The following NPHP4 variants were observed in gnomAD, a reference collection of about 807,000 sequenced individuals.
NPHP4 encodes the protein nephrocystin-4.
Under a neutral mutation model 155.8 loss-of-function variants are expected in NPHP4, and 151 were observed. The observed-to-expected ratio is 0.97, with a 90% CI of 0.85 to 1.11. The LOEUF is 1.11. Among genes scored for constraint, NPHP4 ranks in the 50% least tolerant of loss-of-function variants. NPHP4 has a pLI of 0.00. For missense variants in NPHP4, 1,956 were observed against 1,925.7 expected, an observed-to-expected ratio of 1.02 and a Z score of -0.29; for synonymous variants, 845 against 816.8, an observed-to-expected ratio of 1.03 and a Z score of -0.59.
At chr1:5,918,898 G>T (rs1645600022) in intron 11 of NPHP4, among the ~76,000 whole-genome samples, 1 of 152,180 alleles carries the variant, frequency 6.6e-6, no homozygotes, top group Non-Finnish European at 1.5e-5. Context: ...AGACCTTCAA[G>T]AAACAGGTCT....
intron 16 of NPHP4, among the ~76,000 whole-genome samples, chr1:5,900,469 A>G (rs187951724): frequency 5.3e-5 from 8 of 152,294 alleles, no homozygotes; most frequent in African/African-American, 1.9e-4. Context: ...AAAGCTACAT[A>G]CTACATAATT....
chr1:5,971,490 C>T (rs965930371), intron 3 of NPHP4, among the ~76,000 whole-genome samples: 7 of 152,172 alleles, frequency 4.6e-5, no homozygotes, highest in Admixed American at 3.9e-4. Flanking sequence ...GAATTTATAA[C>T]GAACCTGGAA....
intron 25 of NPHP4, among the ~76,000 whole-genome samples, chr1:5,866,731 C>T (rs1641271281): frequency 1.3e-5 from 2 of 152,168 alleles, no homozygotes; most frequent in African/African-American, 4.8e-5. Flanking sequence ...TTGCCTTATC[C>T]TTTACATAAT....
rs779934753 is a variant in NPHP4, at chr1:5,890,843, G to C, written c.2304+25C>G. Reference sequence around the variant, plus strand: ...CCATGAGGGACGCAGCACCCACTGTGCCTGTCCTTCCAGAGAGCCGCTACC... The same window carrying C: ...CCATGAGGGACGCAGCACCCACTGTCCCTGTCCTTCCAGAGAGCCGCTACC... On this transcript the variant is annotated intron_variant, in intron 17 of 29. Transcript: ENST00000378156. The surrounding 1 kb of genome is among the most constrained non-coding windows in gnomAD (Gnocchi z 4.9). 2 of 1,600,162 alleles carry C rather than the reference G, an allele frequency of 1.2e-6. No individual in the cohort carries two copies. The highest frequency in any genetic ancestry group is 8.5e-7 in the Non-Finnish European group (1 of 1,171,108).
At chr1:5,951,421 T>A (rs1648020754) in intron 7 of NPHP4, among the ~76,000 whole-genome samples, 2 of 152,214 alleles carry the variant, frequency 1.3e-5, no homozygotes, top group South Asian at 4.1e-4. Flanking sequence ...ACTCTCTCAT[T>A]CTAGGAGGGG....
At chr1:5,965,530 G>A (rs1053947512) in intron 5 of NPHP4, among the ~76,000 whole-genome samples, 11 of 152,294 alleles carry the variant, frequency 7.2e-5, no homozygotes, top group African/African-American at 2.6e-4. Flanking sequence ...ACGAAATGAA[G>A]TTCCTGACTG....
In NPHP4 at chr1:5,976,411, G is replaced by A. The variant is rs1315355660; in HGVS notation, c.279+1859C>T. Reference sequence around the variant, plus strand: ...CATGGCTGTCACAACACCAGGTTTCGGGGGGCTCACTGTGCACATCTGAGA... The same window carrying A: ...CATGGCTGTCACAACACCAGGTTTCAGGGGGCTCACTGTGCACATCTGAGA... On this transcript the variant is annotated intron_variant, in intron 3 of 29. Transcript: ENST00000378156. Among the ~76,000 whole-genome samples, 3 of 152,128 alleles carry A rather than the reference G, an allele frequency of 2.0e-5. No individual in the cohort carries two copies. The South Asian group carries it at 6.2e-4, about 32-fold the overall frequency.
chr1:5,896,065 T>C (rs1644382839), intron 16 of NPHP4, among the ~76,000 whole-genome samples: 2 of 152,200 alleles, frequency 1.3e-5, no homozygotes, highest in Non-Finnish European at 2.9e-5. Flanking sequence ...TACCACTGAA[T>C]TAGAAAACAG....
chr1:5,866,709 A>G (rs1271113667), intron 25 of NPHP4, among the ~76,000 whole-genome samples: 2 of 152,230 alleles, frequency 1.3e-5, no homozygotes, highest in African/African-American at 4.8e-5. Flanking sequence ...CTAACTGGTC[A>G]TAACACAATT....
At chr1:5,945,732 T>G (rs1194638655) in intron 9 of NPHP4, among the ~76,000 whole-genome samples, 1 of 152,192 alleles carries the variant, frequency 6.6e-6, no homozygotes, top group East Asian at 1.9e-4. Context: ...TCAACCGTTT[T>G]TTGGTTTCTG....
chr1:5,937,655 G>A (rs987591802), intron 9 of NPHP4, among the ~76,000 whole-genome samples: 4 of 152,088 alleles, frequency 2.6e-5, no homozygotes, highest in Non-Finnish European at 5.9e-5. Flanking sequence ...GCGCACTCAC[G>A]CTCCACTGTC....
rs772753387 is a variant in NPHP4 at position 5,875,005 on chromosome 1, C to G, written c.2913G>C (p.Leu971=). The change falls in exon 21 of 30, where the codon CTG becomes CTC. Residue 971 remains leucine, a synonymous_variant. Coordinates refer to ENST00000378156, the MANE Select transcript of NPHP4 (RefSeq NM_015102.5). ...TGTGCTCCGTGGTGATGGCCAGGCT[C>G]AGCAGGCTGGCGATGCTCTCGGCCT... is the stretch of plus-strand genomic sequence containing the variant. ...RTKAESIASL[L]SLAITTEHTL... The G allele has an allele frequency of 1.2e-6, 2 of 1,611,928 alleles. No individual in the cohort carries two copies. The highest frequency in any genetic ancestry group is 2.7e-5 in the African/African-American group (2 of 74,942).
intron 11 of NPHP4, among the ~76,000 whole-genome samples, chr1:5,912,565 A>T (rs573868368): frequency 1.3e-5 from 2 of 152,020 alleles, no homozygotes; most frequent in Non-Finnish European, 2.9e-5. Context: ...AGAAAAAAGA[A>T]AAAAGAAAAA....
intron 6 of NPHP4, among the ~76,000 whole-genome samples, chr1:5,955,662 G>A (rs1649048678): frequency 6.6e-6 from 1 of 152,262 alleles, no homozygotes; most frequent in Non-Finnish European, 1.5e-5. Flanking sequence ...AATACCACAT[G>A]ATCTTACTCA....
chr1:5,904,880 A>G, intron 15 of NPHP4, 76 bp from the exon 16 acceptor site: 1 of 1,436,518 alleles, frequency 7.0e-7, no homozygotes, highest in Non-Finnish European at 9.8e-7. Flanking sequence ...GTGTTTGCAT[A>G]GGGGATGGTC....
chr1:5,868,929 T>C (rs1254398283), intron 23 of NPHP4, among the ~76,000 whole-genome samples: 2 of 112,694 alleles, frequency 1.8e-5, no homozygotes, highest in African/African-American at 7.1e-5. Context: ...TGTACACACA[T>C]GCATGCACCC....
At chr1:5,883,376 C>T (rs895409671) in intron 18 of NPHP4, among the ~76,000 whole-genome samples, 9 of 152,204 alleles carry the variant, frequency 5.9e-5, no homozygotes, top group Non-Finnish European at 1.0e-4. Context: ...GTTCACGCTC[C>T]GGGCCACGCT....
chr1:5,979,810 G>A (rs1193670383), intron 2 of NPHP4, among the ~76,000 whole-genome samples: 5 of 152,064 alleles, frequency 3.3e-5, no homozygotes, highest in Non-Finnish European at 5.9e-5. Flanking sequence ...CACCATGCCC[G>A]GCCTGTATTT....
At position 5,986,372 on chromosome 1, in the gene NPHP4, C is replaced by A; in HGVS notation, c.-38-45G>T. ...ATAAAGAGAAGAGCTGTGAGGGCTACAGTGGTCACAGCAATCCTGAAGGCT... is the reference window on the plus strand; with the variant it reads ...ATAAAGAGAAGAGCTGTGAGGGCTAAAGTGGTCACAGCAATCCTGAAGGCT... On this transcript the variant is annotated intron_variant, in intron 1 of 29. Transcript: ENST00000378156. 4.7e-6 allele frequency: 7 copies of A among 1,494,620 alleles called. No individual in the cohort carries two copies. The Admixed American group carries it at 1.2e-4, about 25-fold the overall frequency. The allele number at this position is 1,494,620 out of a possible 1,614,324, so 92.6% of individuals were successfully genotyped here.
Sources: allele counts gnomAD v4.1 joint callset (sites outside exome capture counted in the v4.1 genomes callset), GRCh38; gene constraint gnomAD v4.1.1; non-coding constraint Gnocchi (gnomAD v3.1); transcripts MANE v1.5; gene names NCBI Gene and HGNC (gene_info 2026-07-23, HGNC 2026-07-21).